Variants in NKAIN2 observed in about 807,000 individuals in gnomAD.
NKAIN2 encodes the protein sodium/potassium transporting ATPase interacting 2.
NKAIN2 carries 14 observed loss-of-function variants against 32.6 expected under a neutral mutation model. That is an observed-to-expected ratio of 0.43 (90% CI 0.28 to 0.67). The LOEUF is 0.67. Ranked by LOEUF, NKAIN2 falls within the 30% of genes least tolerant of loss-of-function variation. The pLI is 0.17. For synonymous variants in NKAIN2, 80 were observed against 87.2 expected (o/e 0.92, Z 0.46); for missense variants, 198 against 258.3 (o/e 0.77, Z 1.60).
intron 4 of NKAIN2, among the ~76,000 whole-genome samples, chr6:124,721,194 A>C (rs902521208): frequency 7.9e-5 from 12 of 152,090 alleles, no homozygotes; most frequent in South Asian, 2.1e-4. Context: ...AGGCGGGAGG[A>C]TCACGAGGTC....
rs1158806795 is a variant in NKAIN2 at position 123,976,356 on chromosome 6, TATATATATATATTCCC to T, written c.54+172115_54+172130del. Among the ~76,000 whole-genome samples, 14 of 28,206 alleles carry T rather than the reference TATATATATATATTCCC, an allele frequency of 5.0e-4. 1 individual carries two copies. The highest frequency in any genetic ancestry group is 1.8e-3 in the African/African-American group (11 of 6,066). 18.5% of individuals were successfully genotyped at this position (28,206 alleles called of 152,430 possible). A position where few individuals can be genotyped will look rare whatever the true frequency, so the allele number is the denominator to read the frequency against. Reference sequence around the variant, plus strand: ...ATATATATATATGTTCCCATATATATATATATATATATTCCCATATATATATATATATATATATATA... The same window carrying T: ...ATATATATATATGTTCCCATATATATATATATATATATATATATATATATA... On this transcript the variant is annotated intron_variant, in intron 1 of 6. Transcript: ENST00000368417.
chr6:124,453,404 A>G (rs540647529), intron 3 of NKAIN2, among the ~76,000 whole-genome samples: 1 of 150,800 alleles, frequency 6.6e-6, no homozygotes, highest in South Asian at 2.1e-4. Context: ...CAATCAAGCA[A>G]TGAATACACA....
chr6:124,651,971 A>G (rs1784384803), intron 3 of NKAIN2, among the ~76,000 whole-genome samples: 1 of 152,194 alleles, frequency 6.6e-6, no homozygotes. Flanking sequence ...AAACTCCTTT[A>G]AATCCCTAAG....
chr6:124,254,512 T>A (rs1050776721), intron 1 of NKAIN2, among the ~76,000 whole-genome samples: 4 of 152,132 alleles, frequency 2.6e-5, no homozygotes, highest in Non-Finnish European at 5.9e-5. Flanking sequence ...TTGTGTTGGG[T>A]TTTGTTTCAC....
intron 1 of NKAIN2, among the ~76,000 whole-genome samples, chr6:123,899,981 C>T (rs1480496604): frequency 2.0e-5 from 3 of 152,122 alleles, no homozygotes; most frequent in African/African-American, 7.2e-5. Flanking sequence ...CCATGATGCT[C>T]GACCTGCTTA....
At chr6:124,576,841 A>T (rs1583464939) in intron 3 of NKAIN2, among the ~76,000 whole-genome samples, 1 of 152,192 alleles carries the variant, frequency 6.6e-6, no homozygotes, top group East Asian at 1.9e-4. Context: ...TGAATCATAG[A>T]CCTAAATGTA....
intron 3 of NKAIN2, among the ~76,000 whole-genome samples, chr6:124,456,985 G>A (rs888238841): frequency 5.9e-5 from 9 of 151,736 alleles, no homozygotes; most frequent in Non-Finnish European, 1.2e-4. Flanking sequence ...TATTTAAAGC[G>A]TTTAGAAAGG....
chr6:123,885,833 T>A (rs1401536243), intron 1 of NKAIN2, among the ~76,000 whole-genome samples: 1 of 151,634 alleles, frequency 6.6e-6, no homozygotes, highest in Non-Finnish European at 1.5e-5. Flanking sequence ...AAATACAATT[T>A]AAAAAATGGT....
intron 3 of NKAIN2, among the ~76,000 whole-genome samples, chr6:124,503,745 AT>A (rs1428638841): frequency 6.6e-6 from 1 of 152,152 alleles, no homozygotes; most frequent in Admixed American, 6.5e-5. Context: ...GCCAATGAGC[AT>A]TTTGCATTCT....
intron 1 of NKAIN2, among the ~76,000 whole-genome samples, chr6:124,049,560 G>A (rs1782310092): frequency 6.6e-6 from 1 of 152,060 alleles, no homozygotes; most frequent in South Asian, 2.1e-4. Context: ...TACTTTCTGT[G>A]ATTTCAGTTA....
Position 124,213,430 on chromosome 6 carries a change from T to C in NKAIN2, c.55-69575T>C, listed in dbSNP as rs112055355. 4.8e-3 allele frequency among the ~76,000 whole-genome samples: 727 copies of C among 152,058 alleles called. 8 individuals carry two copies. The highest frequency in any genetic ancestry group is 0.016 in the African/African-American group (676 of 41,510). On this transcript the variant is annotated intron_variant, in intron 1 of 6. Coordinates refer to ENST00000368417, the MANE Select transcript of NKAIN2 (RefSeq NM_001040214.3). ...TCTGTTTGTGCTTTCAAAACTGCAC[T>C]AAAATTATACTAAATAAATAAGAAC...
rs181543325 is a variant in NKAIN2 at position 124,785,051 on chromosome 6, T to C, written c.475-6288T>C. The stretch of plus-strand genomic sequence containing the variant: ...AGTGCTGACCTACTTCTCCTTTTCC[T>C]TCAGGACTCCAGTGGGGGAAAAAAA... On this transcript the variant is annotated intron_variant, in intron 4 of 6. Transcript: ENST00000368417. Among the ~76,000 whole-genome samples, 3 of 152,260 alleles carry C rather than the reference T, an allele frequency of 2.0e-5. No individual in the cohort carries two copies. The East Asian group carries it at 5.8e-4, about 29-fold the overall frequency.
At chr6:124,798,183 C>T (rs999153161) in intron 5 of NKAIN2, among the ~76,000 whole-genome samples, 5 of 151,896 alleles carry the variant, frequency 3.3e-5, no homozygotes, top group African/African-American at 9.7e-5. Context: ...CTTTCTTTCA[C>T]GTTTATAAAT....
chr6:124,511,262 A>G (rs1161461145), intron 3 of NKAIN2, among the ~76,000 whole-genome samples: 1 of 152,188 alleles, frequency 6.6e-6, no homozygotes, highest in Non-Finnish European at 1.5e-5. Context: ...TTTAGATCAA[A>G]TAGAGAGAAA....
intron 1 of NKAIN2, among the ~76,000 whole-genome samples, chr6:124,137,590 T>TCACTTTACCTGATTTCTTGCTATATTAC (rs1453490898): frequency 5.9e-5 from 9 of 152,136 alleles, no homozygotes; most frequent in Non-Finnish European, 1.3e-4. Flanking sequence ...TCTGGAGGCA[T>TCACTTTACCTGATTTCTTGCTATATTAC]CACTTTACCT....
intron 3 of NKAIN2, among the ~76,000 whole-genome samples, chr6:124,556,985 C>T (rs901415334): frequency 2.4e-4 from 36 of 152,142 alleles, no homozygotes; most frequent in Admixed American, 2.0e-3. Flanking sequence ...GAAAATAAAG[C>T]ATTTTATATA....
chr6:123,855,585 C>T (rs1310186776), intron 1 of NKAIN2, among the ~76,000 whole-genome samples: 2 of 152,154 alleles, frequency 1.3e-5, no homozygotes, highest in South Asian at 2.1e-4. Flanking sequence ...TGTTGCCAGA[C>T]TATTATAGAC....
At chr6:124,617,889 T>C (rs1416338015) in intron 3 of NKAIN2, among the ~76,000 whole-genome samples, 1 of 152,210 alleles carries the variant, frequency 6.6e-6, no homozygotes, top group Non-Finnish European at 1.5e-5. Flanking sequence ...CAGTTGAATC[T>C]AGACCGTCAA....
At chr6:124,476,065 A>AGTGTGTGTGTGTGTGTGTGT (rs61191593) in intron 3 of NKAIN2, among the ~76,000 whole-genome samples, 4 of 132,462 alleles carry the variant, frequency 3.0e-5, no homozygotes, top group African/African-American at 8.7e-5. Context: ...AGAGAGAGAG[A>AGTGTGTGTGTGTGTGTGTGT]GTGTGTGTGT....
Sources: allele counts gnomAD v4.1 joint callset (sites outside exome capture counted in the v4.1 genomes callset), GRCh38; gene constraint gnomAD v4.1.1; transcripts MANE v1.5; gene names NCBI Gene and HGNC (gene_info 2026-07-23, HGNC 2026-07-21).